The following TMEM150C variants were observed in gnomAD, a reference collection of about 807,000 sequenced individuals.
TMEM150C encodes tentonin 3.
Under a neutral mutation model 29.9 loss-of-function variants are expected in TMEM150C, and 10 were observed. The observed-to-expected ratio is 0.33, with a 90% CI of 0.21 to 0.57. The LOEUF (loss-of-function observed/expected upper bound fraction) is 0.57, where lower values mean the gene tolerates loss of function less well. TMEM150C is among the 20% of genes least tolerant of loss of function. TMEM150C has a pLI of 0.88. For synonymous variants in TMEM150C, 101 were observed against 112.5 expected, an observed-to-expected ratio of 0.90 and a Z score of 0.64; for missense variants, 251 against 303.6, an observed-to-expected ratio of 0.83 and a Z score of 1.29.
chr4:82,560,351 A>G (rs944626013), intron 1 of TMEM150C, among the ~76,000 whole-genome samples: 5 of 152,214 alleles, frequency 3.3e-5, no homozygotes, highest in African/African-American at 1.2e-4. Flanking sequence ...ACTAGTCATT[A>G]TTGTTAGCAA....
intron 6 of TMEM150C, among the ~76,000 whole-genome samples, chr4:82,494,326 T>G (rs2110064772): frequency 6.6e-6 from 1 of 152,346 alleles, no homozygotes; most frequent in South Asian, 2.1e-4. Flanking sequence ...GGTAATGGTA[T>G]TGGCAAGGAA....
At chr4:82,521,358 G>A (rs1381428023) in intron 1 of TMEM150C, among the ~76,000 whole-genome samples, 1 of 152,100 alleles carries the variant, frequency 6.6e-6, no homozygotes, top group East Asian at 1.9e-4. Flanking sequence ...ATAAGTATCT[G>A]GTGAAGAATA....
intron 7 of TMEM150C, among the ~76,000 whole-genome samples, chr4:82,489,668 T>A (rs921865188): frequency 2.6e-5 from 4 of 152,132 alleles, no homozygotes; most frequent in African/African-American, 7.2e-5. Context: ...ATTTCAGAGC[T>A]AATAAATGAA....
chr4:82,547,446 G>A (rs539863862), intron 1 of TMEM150C, among the ~76,000 whole-genome samples: 24 of 152,032 alleles, frequency 1.6e-4, no homozygotes, highest in South Asian at 4.2e-4. Flanking sequence ...AAAATCAGCC[G>A]GGCATGGTGG....
At chr4:82,487,933 T>G (rs1232028683) in intron 7 of TMEM150C, among the ~76,000 whole-genome samples, 1 of 152,054 alleles carries the variant, frequency 6.6e-6, no homozygotes, top group East Asian at 1.9e-4. Context: ...TTATTTATAT[T>G]TATTTATTTA....
Position 82,504,459 on chromosome 4 carries a change from C to G in TMEM150C, c.80+119G>C. ...CAAGTGATCTGCCTGACTCGGCCTCCCAAAGTGCTGAGATTACAGGCATGA... is the reference window on the plus strand; with the variant it reads ...CAAGTGATCTGCCTGACTCGGCCTCGCAAAGTGCTGAGATTACAGGCATGA... On this transcript the variant is annotated intron_variant, in intron 2 of 7. Coordinates refer to ENST00000449862, the MANE Select transcript of TMEM150C (RefSeq NM_001080506.3). 6 of 689,634 alleles carry G rather than the reference C, an allele frequency of 8.7e-6. 1 individual carries two copies. The South Asian group carries it at 1.1e-4, about 12-fold the overall frequency. 42.7% of individuals were successfully genotyped at this position (689,634 alleles called of 1,614,324 possible).
intron 1 of TMEM150C, among the ~76,000 whole-genome samples, chr4:82,561,539 T>C (rs886718867): frequency 2.7e-5 from 4 of 149,348 alleles, no homozygotes; most frequent in African/African-American, 1.0e-4. Context: ...GGGACACCTG[T>C]CAAAGGACGG....
chr4:82,527,686 C>A (rs1389458315), intron 1 of TMEM150C, among the ~76,000 whole-genome samples: 1 of 152,206 alleles, frequency 6.6e-6, no homozygotes, highest in Non-Finnish European at 1.5e-5. Flanking sequence ...GCCCAGTGGA[C>A]TTCTAACTCC....
chr4:82,516,098 G>T (rs1724287497), intron 1 of TMEM150C, among the ~76,000 whole-genome samples: 1 of 152,122 alleles, frequency 6.6e-6, no homozygotes, highest in Non-Finnish European at 1.5e-5. Context: ...AACAAGAAAT[G>T]CACCACTCAG....
At chr4:82,555,110 GT>G (rs1725698768) in intron 1 of TMEM150C, among the ~76,000 whole-genome samples, 1 of 152,148 alleles carries the variant, frequency 6.6e-6, no homozygotes. Context: ...AATGAAATTA[GT>G]TTTACTTTCT....
rs869112887 is a variant in TMEM150C, at chr4:82,507,727, C to CTTTTTTTTTTTTTTTTTTTTTTTTTT, written c.-10-3086_-10-3061dup. 1.5e-4 allele frequency among the ~76,000 whole-genome samples: 3 copies of CTTTTTTTTTTTTTTTTTTTTTTTTTT among 20,592 alleles called. 1 individual carries two copies. Among genetic ancestry groups the CTTTTTTTTTTTTTTTTTTTTTTTTTT allele is most frequent in the Admixed American group, 1.5e-3 (2 of 1,300 alleles). 13.5% of individuals were successfully genotyped at this position (20,592 alleles called of 152,430 possible). A position where few individuals can be genotyped will look rare whatever the true frequency, so the allele number is the denominator to read the frequency against. On this transcript the variant is annotated intron_variant, in intron 1 of 7. Transcript: ENST00000449862. Reference sequence around the variant, plus strand: ...TTAAATTAACTCTCTCTCTCTCTCTCTTTTTTTTTTTTTTTTTTTTTTTTT... The same window carrying CTTTTTTTTTTTTTTTTTTTTTTTTTT: ...TTAAATTAACTCTCTCTCTCTCTCTCTTTTTTTTTTTTTTTTTTTTTTTTTTTTTTTTTTTTTTTTTTTTTTTTTTT...
intron 1 of TMEM150C, among the ~76,000 whole-genome samples, chr4:82,539,459 C>CTTTTTTT (rs34120699): frequency 3.6e-4 from 53 of 147,512 alleles, no homozygotes; most frequent in Admixed American, 4.0e-4. Flanking sequence ...ATCCAAACAA[C>CTTTTTTT]TTTTTTTTTT....
At chr4:82,494,145 G>T (rs1723461383) in intron 6 of TMEM150C, among the ~76,000 whole-genome samples, 1 of 152,218 alleles carries the variant, frequency 6.6e-6, no homozygotes. Context: ...TCAACAGACA[G>T]GGGGAAGAGT....
rs2110070151 is a variant in TMEM150C at position 82,504,634 on chromosome 4, T to C, written c.24A>G (p.Val8=). 2.5e-6 allele frequency: 4 copies of C among 1,613,786 alleles called. No homozygotes were observed. Among genetic ancestry groups the C allele is most frequent in the East Asian group, 2.2e-5 (1 of 44,886 alleles). ...TAAATACAAGAGGTAGGAACATCCATACGCTGCATTTCTTCCCATCCATGC... is the reference window on the plus strand; with the variant it reads ...TAAATACAAGAGGTAGGAACATCCACACGCTGCATTTCTTCCCATCCATGC... MDGKKCS[V]WMFLPLVFTL... Residue 8 remains valine, a synonymous_variant, in exon 2 of 8, where the codon GTA becomes GTG. Coordinates refer to ENST00000449862, the MANE Select transcript of TMEM150C (RefSeq NM_001080506.3).
intron 7 of TMEM150C, among the ~76,000 whole-genome samples, chr4:82,488,410 A>G (rs1251212984): frequency 5.3e-5 from 8 of 152,212 alleles, no homozygotes; most frequent in Admixed American, 6.5e-5. Flanking sequence ...CTGTTCTTAC[A>G]TGTGAAGTGA....
chr4:82,537,323 A>C (rs1298968792), intron 1 of TMEM150C, among the ~76,000 whole-genome samples: 1 of 152,214 alleles, frequency 6.6e-6, no homozygotes, highest in Non-Finnish European at 1.5e-5. Context: ...AAAATAATGA[A>C]TTTCCAATTT....
At chr4:82,518,943 G>C (rs1724385243) in intron 1 of TMEM150C, among the ~76,000 whole-genome samples, 1 of 152,154 alleles carries the variant, frequency 6.6e-6, no homozygotes, top group Admixed American at 6.5e-5. Flanking sequence ...TCTCAAATCA[G>C]TTATACTCCC....
At chr4:82,553,651 C>T (rs181107983) in intron 1 of TMEM150C, among the ~76,000 whole-genome samples, 1 of 152,156 alleles carries the variant, frequency 6.6e-6, no homozygotes, top group African/African-American at 2.4e-5. Flanking sequence ...GAAAAAAAGT[C>T]ACTCTGAGCC....
intron 6 of TMEM150C, among the ~76,000 whole-genome samples, chr4:82,492,320 G>T (rs1362402118): frequency 6.6e-6 from 1 of 151,282 alleles, no homozygotes; most frequent in Non-Finnish European, 1.5e-5. Context: ...TAGAAACGGG[G>T]TTTCACCATG....
Sources: allele counts gnomAD v4.1 joint callset (sites outside exome capture counted in the v4.1 genomes callset), GRCh38; gene constraint gnomAD v4.1.1; transcripts MANE v1.5; gene names NCBI Gene and HGNC (gene_info 2026-07-23, HGNC 2026-07-21).